QRICH1: variants seen among roughly 807,000 people sequenced by gnomAD.
QRICH1 encodes the protein transcriptional regulator QRICH1.
QRICH1 carries 16 observed loss-of-function variants against 87.1 expected under a neutral mutation model. The ratio of observed to expected loss-of-function variants is 0.18; its 90% CI spans 0.12 to 0.28. The LOEUF (loss-of-function observed/expected upper bound fraction) is 0.28. QRICH1 is among the 10% of genes least tolerant of loss of function. The probability of loss-of-function intolerance (pLI) is 1.00; values close to 1 mark genes in which losing one functional copy is unlikely to be tolerated. For missense variants in QRICH1, 647 were observed against 951.7 expected (o/e 0.68, Z 4.21); for synonymous variants, 367 against 368.4 (o/e 1.00, Z 0.05).
Position 49,057,956 on chromosome 3 carries a change from G to A in QRICH1, c.310-66C>T, listed in dbSNP as rs777048168. 4 of 1,611,802 alleles carry A rather than the reference G, an allele frequency of 2.5e-6. No individual in the cohort carries two copies. The Admixed American group carries it at 6.7e-5, about 27-fold the overall frequency. ...ACTGAAAATCCAGTACCCAAGGAAA[G>A]AAAGAAAAGAGATCCCAGACAGGGG... On this transcript the variant is annotated intron_variant, in intron 2 of 9. Transcript: ENST00000395443. This position sits in a 1 kb window ranked among gnomAD's most constrained non-coding sequence, Gnocchi z 5.4.
chr3:49,046,417 T>C lies in QRICH1; in HGVS notation c.1671+8A>G, dbSNP rs775549973. On this transcript the variant is annotated splice_region_variant and intron_variant, in intron 5 of 9. Coordinates refer to ENST00000395443, the MANE Select transcript of QRICH1 (RefSeq NM_198880.3). ...TCAAACATGTTCTTGTGAAGATCTGTTTCCTACCTTTTGAATACACAGGAA... is the reference window on the plus strand; with the variant it reads ...TCAAACATGTTCTTGTGAAGATCTGCTTCCTACCTTTTGAATACACAGGAA... The C allele has an allele frequency of 3.7e-6, 6 of 1,610,700 alleles. No homozygotes were observed. The highest frequency in any genetic ancestry group is 3.4e-6 in the Non-Finnish European group (4 of 1,178,832).
At chr3:49,053,700 T>C (rs2093385379) in intron 3 of QRICH1, among the ~76,000 whole-genome samples, 1 of 152,006 alleles carries the variant, frequency 6.6e-6, no homozygotes, top group African/African-American at 2.4e-5. Context: ...GGCAATAAAG[T>C]AGAACAGAAA....
chr3:49,077,174 A>C, intron 1 of QRICH1, 136 bp from the exon 2 acceptor site: 1 of 459,648 alleles, frequency 2.2e-6, no homozygotes, highest in Non-Finnish European at 3.6e-6. Context: ...GTTTTATTAT[A>C]CCACCTTATT....
chr3:49,039,990 G>A lies in QRICH1; in HGVS notation c.1786+4400C>T, dbSNP rs375294210. The stretch of plus-strand genomic sequence containing the variant: ...GCACGAGAATCACTTGAACCCCAGA[G>A]GCGGAGGTTGAAGTCAGCCGAGATC... On this transcript the variant is annotated intron_variant, in intron 6 of 9. Transcript: ENST00000395443. Among the ~76,000 whole-genome samples the A allele has an allele frequency of 2.7e-5, 4 of 150,694 alleles. No homozygotes were observed. In the East Asian group the frequency reaches 5.8e-4, roughly 22 times the overall value.
intron 2 of QRICH1, among the ~76,000 whole-genome samples, chr3:49,074,555 G>C (rs950783311): frequency 6.6e-6 from 1 of 151,876 alleles, no homozygotes; most frequent in Non-Finnish European, 1.5e-5. Context: ...CTGGGGGACA[G>C]AGCGAGACTC....
chr3:49,073,352 C>T (rs2041882701), intron 2 of QRICH1, among the ~76,000 whole-genome samples: 1 of 151,996 alleles, frequency 6.6e-6, no homozygotes, highest in Non-Finnish European at 1.5e-5. Flanking sequence ...ACCAGCCTGA[C>T]CAACATGGTG....
At chr3:49,067,257 G>A (rs2093473854) in intron 2 of QRICH1, among the ~76,000 whole-genome samples, 1 of 152,198 alleles carries the variant, frequency 6.6e-6, no homozygotes, top group African/African-American at 2.4e-5. Flanking sequence ...TTTAAAATTA[G>A]GGGAATAAGA....
At chr3:49,039,512 C>G (rs2093296783) in intron 6 of QRICH1, among the ~76,000 whole-genome samples, 1 of 149,232 alleles carries the variant, frequency 6.7e-6, no homozygotes, top group Non-Finnish European at 1.5e-5. Context: ...GTAATCCCAG[C>G]TACTCGGAGG....
intron 6 of QRICH1, among the ~76,000 whole-genome samples, chr3:49,043,120 G>C (rs1210321100): frequency 1.3e-5 from 2 of 152,156 alleles, no homozygotes; most frequent in Non-Finnish European, 2.9e-5. Context: ...AACTGTGTGT[G>C]AGGGTATATA....
intron 1 of QRICH1, among the ~76,000 whole-genome samples, chr3:49,081,150 C>T (rs2042051383): frequency 6.6e-6 from 1 of 152,044 alleles, no homozygotes; most frequent in Non-Finnish European, 1.5e-5. Flanking sequence ...GGTGCGGTGG[C>T]TCAGGCCTCT....
At position 49,061,320 on chromosome 3, in the gene QRICH1, G is replaced by A. The variant is rs1320332684; in HGVS notation, c.310-3430C>T. On this transcript the variant is annotated intron_variant, in intron 2 of 9. Coordinates refer to ENST00000395443, the MANE Select transcript of QRICH1 (RefSeq NM_198880.3). ...AGTGCTTACTTAACATATGTTTAATGGGAAAGGCATTTAAATAAACAGAAT... is the reference window on the plus strand; with the variant it reads ...AGTGCTTACTTAACATATGTTTAATAGGAAAGGCATTTAAATAAACAGAAT... Among the ~76,000 whole-genome samples, 3 of 152,024 alleles carry A rather than the reference G, an allele frequency of 2.0e-5. No individual in the cohort carries two copies. In the South Asian group the frequency reaches 6.2e-4, roughly 32 times the overall value.
intron 2 of QRICH1, among the ~76,000 whole-genome samples, chr3:49,072,284 A>G (rs2041849617): frequency 6.6e-6 from 1 of 152,094 alleles, no homozygotes; most frequent in South Asian, 2.1e-4. Context: ...CTCTGTCTCA[A>G]AAAGTAAGTA....
Position 49,057,943 on chromosome 3 carries a change from G to A in QRICH1, c.310-53C>T. The A allele has an allele frequency of 1.9e-6, 3 of 1,613,248 alleles. No homozygotes were observed. Among genetic ancestry groups the A allele is most frequent in the Middle Eastern group, 1.6e-4 (1 of 6,062 alleles). On this transcript the variant is annotated intron_variant, in intron 2 of 9. Coordinates refer to ENST00000395443, the MANE Select transcript of QRICH1 (RefSeq NM_198880.3). The surrounding 1 kb of genome is among the most constrained non-coding windows in gnomAD (Gnocchi z 5.4). ...TGAACCAGGCAGCACTGAAAATCCAGTACCCAAGGAAAGAAAGAAAAGAGA... is the reference window on the plus strand; with the variant it reads ...TGAACCAGGCAGCACTGAAAATCCAATACCCAAGGAAAGAAAGAAAAGAGA...
chr3:49,041,800 T>C (rs1313962239), intron 6 of QRICH1, among the ~76,000 whole-genome samples: 4 of 151,732 alleles, frequency 2.6e-5, no homozygotes, highest in Non-Finnish European at 5.9e-5. Context: ...CCAGCTAATT[T>C]TTTGTATTTA....
At chr3:49,078,203 G>A (rs1297476006) in intron 1 of QRICH1, among the ~76,000 whole-genome samples, 1 of 152,080 alleles carries the variant, frequency 6.6e-6, no homozygotes, top group Non-Finnish European at 1.5e-5. Context: ...CTGACCAGAT[G>A]CTCTACCTTA....
At chr3:49,092,267 T>C (rs1166067043) in intron 1 of QRICH1, 1 of 152,046 alleles carries the variant, frequency 6.6e-6, no homozygotes, top group Middle Eastern at 3.2e-3. Context: ...TTCTCCCACA[T>C]CTTCATTTTA....
At chr3:49,076,642 A>T (rs1051341396) in intron 2 of QRICH1, 67 bp downstream of exon 2, 2 of 1,364,506 alleles carry the variant, frequency 1.5e-6, no homozygotes, top group African/African-American at 1.5e-5. Flanking sequence ...TGATGAGCCC[A>T]CTAACTAAAA....
intron 7 of QRICH1, 70 bp from the exon 8 acceptor site, chr3:49,032,843 A>G: frequency 6.6e-7 from 1 of 1,508,938 alleles, no homozygotes; most frequent in South Asian, 1.2e-5. Context: ...TCCTCTGCCC[A>G]CTGGTGCTTC....
At chr3:49,081,674 T>C (rs1336097623) in intron 1 of QRICH1, among the ~76,000 whole-genome samples, 1 of 152,112 alleles carries the variant, frequency 6.6e-6, no homozygotes, top group Non-Finnish European at 1.5e-5. Context: ...CTAATTACAG[T>C]ATTTGTTAGA....
Sources: gnomAD v4.1 joint callset for allele counts (sites outside exome capture counted in the v4.1 genomes callset) on GRCh38, gnomAD v4.1.1 for gene constraint, Gnocchi (gnomAD v3.1) non-coding constraint, MANE v1.5 for transcripts, NCBI Gene and HGNC (gene_info 2026-07-23, HGNC 2026-07-21) for gene names.